Variants in ESRRG observed in about 807,000 individuals in gnomAD.
The protein encoded by ESRRG is estrogen related receptor gamma.
Under a neutral mutation model 44.0 loss-of-function variants are expected in ESRRG, and 13 were observed. That is an observed-to-expected ratio of 0.30 (90% CI 0.19 to 0.47). The LOEUF is 0.47. ESRRG is among the 20% of genes least tolerant of loss of function. ESRRG has a pLI of 1.00. For synonymous variants in ESRRG, 215 were observed against 214.6 expected (o/e 1.00, Z -0.02); for missense variants, 395 against 580.6 (o/e 0.68, Z 3.29).
chr1:216,683,179 A>AT (rs969895056), intron 1 of ESRRG, among the ~76,000 whole-genome samples: 3 of 152,120 alleles, frequency 2.0e-5, no homozygotes, highest in Non-Finnish European at 4.4e-5. Flanking sequence ...AAGAGAAAGG[A>AT]TTTTTTCTTT....
At chr1:216,647,526 G>A (rs1401022727) in intron 3 of ESRRG, among the ~76,000 whole-genome samples, 1 of 152,068 alleles carries the variant, frequency 6.6e-6, no homozygotes, top group South Asian at 2.1e-4. Flanking sequence ...AAAATCAAAT[G>A]TAGTGTATTC....
At chr1:216,847,678 G>A (rs552828196) in intron 2 of ESRRG, among the ~76,000 whole-genome samples, 34 of 152,156 alleles carry the variant, frequency 2.2e-4, no homozygotes, top group African/African-American at 7.0e-4. Context: ...GCATGTCCAG[G>A]TCTGTGATTC....
chr1:216,633,988 C>T (rs2064776060), intron 3 of ESRRG, among the ~76,000 whole-genome samples: 1 of 152,144 alleles, frequency 6.6e-6, no homozygotes, highest in African/African-American at 2.4e-5. Flanking sequence ...AACCTAATTA[C>T]AGTTATTGAT....
At chr1:216,868,449 TTATC>T (rs1409526680) in intron 2 of ESRRG, among the ~76,000 whole-genome samples, 2 of 152,162 alleles carry the variant, frequency 1.3e-5, no homozygotes, top group Non-Finnish European at 2.9e-5. Flanking sequence ...GCACCACAGT[TTATC>T]TATCCATTCA....
intron 5 of ESRRG, among the ~76,000 whole-genome samples, chr1:216,549,279 A>G (rs1221914076): frequency 6.6e-6 from 1 of 152,142 alleles, no homozygotes; most frequent in African/African-American, 2.4e-5. Context: ...CCGTAAGATC[A>G]GTGATGGAAA....
intron 5 of ESRRG, among the ~76,000 whole-genome samples, chr1:216,531,530 C>G (rs941986157): frequency 1.3e-5 from 2 of 152,096 alleles, no homozygotes; most frequent in African/African-American, 4.8e-5. Flanking sequence ...TTCTTCCTCT[C>G]TACACTATCC....
intron 2 of ESRRG, among the ~76,000 whole-genome samples, chr1:216,670,305 G>A (rs1176922323): frequency 6.6e-6 from 1 of 152,246 alleles, no homozygotes; most frequent in Non-Finnish European, 1.5e-5. Context: ...ATACAATTCA[G>A]TGTAGTAAAG....
In ESRRG at chr1:216,707,373, A is replaced by AAC. The variant is rs1575576173; in HGVS notation, c.56+15869_56+15870dup. 14 of 1,535,914 alleles carry AAC rather than the reference A, an allele frequency of 9.1e-6. No individual in the cohort carries two copies. Among genetic ancestry groups the AAC allele is most frequent in the Non-Finnish European group, 1.2e-5 (14 of 1,146,786 alleles). ...ATCGGGCCCACCTTTTAGCTGAAGG[A>AAC]ACACAGGCCAGATCAGACTTGACTG... On this transcript the variant is annotated intron_variant, in intron 1 of 6. Transcript: ENST00000408911.
intron 3 of ESRRG, among the ~76,000 whole-genome samples, chr1:216,577,408 A>G (rs1179243720): frequency 1.3e-5 from 2 of 152,036 alleles, no homozygotes; most frequent in Non-Finnish European, 2.9e-5. Flanking sequence ...TTGCTTTCTC[A>G]TATGAATAAA....
chr1:216,597,320 G>A (rs537175785), intron 3 of ESRRG, among the ~76,000 whole-genome samples: 2 of 152,110 alleles, frequency 1.3e-5, no homozygotes, highest in Non-Finnish European at 2.9e-5. Context: ...AAAAGCATGG[G>A]CTAGACCCTA....
At chr1:216,997,573 G>C (rs1320115443) in intron 1 of ESRRG, among the ~76,000 whole-genome samples, 1 of 152,146 alleles carries the variant, frequency 6.6e-6, no homozygotes, top group Non-Finnish European at 1.5e-5. Flanking sequence ...TTACATTATA[G>C]ATTCTCTGTA....
intron 1 of ESRRG, among the ~76,000 whole-genome samples, chr1:217,015,644 A>G (rs1171848144): frequency 6.6e-6 from 1 of 151,910 alleles, no homozygotes; most frequent in Non-Finnish European, 1.5e-5. Context: ...GAGAGTTGTG[A>G]GGATCTTAAT....
intron 2 of ESRRG, among the ~76,000 whole-genome samples, chr1:216,752,531 T>C (rs1005062830): frequency 1.3e-5 from 2 of 152,160 alleles, no homozygotes; most frequent in African/African-American, 4.8e-5. Context: ...TACCTCCCTT[T>C]ACCTCTGGAA....
At chr1:216,752,744 T>A (rs568306719) in intron 2 of ESRRG, among the ~76,000 whole-genome samples, 1 of 152,230 alleles carries the variant, frequency 6.6e-6, no homozygotes, top group South Asian at 2.1e-4. Context: ...GGACATGTAT[T>A]CTGGAACAGT....
intron 1 of ESRRG, among the ~76,000 whole-genome samples, chr1:217,013,110 T>C (rs1052478704): frequency 6.6e-6 from 1 of 152,264 alleles, no homozygotes; most frequent in Non-Finnish European, 1.5e-5. Context: ...AATTGCATCA[T>C]TTGAACTTGA....
chr1:217,079,670 A>G (rs948181338), intron 1 of ESRRG, among the ~76,000 whole-genome samples: 1 of 152,184 alleles, frequency 6.6e-6, no homozygotes, highest in Non-Finnish European at 1.5e-5. Context: ...TGGAGACACT[A>G]TAACTACCAT....
chr1:216,902,436 C>A (rs1319671413), intron 2 of ESRRG, among the ~76,000 whole-genome samples: 3 of 151,480 alleles, frequency 2.0e-5, no homozygotes, highest in African/African-American at 7.3e-5. Context: ...TTGCAGTGAG[C>A]CAGATCGCGC....
At chr1:216,957,267 G>A (rs530509730) in intron 1 of ESRRG, among the ~76,000 whole-genome samples, 1 of 152,070 alleles carries the variant, frequency 6.6e-6, no homozygotes, top group African/African-American at 2.4e-5. Context: ...GGTGGTCACA[G>A]CTAGTCTCTA....
intron 1 of ESRRG, among the ~76,000 whole-genome samples, chr1:217,075,442 T>C (rs187411437): frequency 6.6e-6 from 1 of 152,278 alleles, no homozygotes; most frequent in Admixed American, 6.5e-5. Context: ...TTATGCTTCA[T>C]AATCACCCTG....
Sources: gnomAD v4.1 joint callset for allele counts (sites outside exome capture counted in the v4.1 genomes callset) on GRCh38, gnomAD v4.1.1 for gene constraint, MANE v1.5 for transcripts, NCBI Gene and HGNC (gene_info 2026-07-23, HGNC 2026-07-21) for gene names.